The following GRIK1 variants were observed in gnomAD, a reference collection of about 807,000 sequenced individuals.
The protein encoded by GRIK1 is glutamate ionotropic receptor kainate type subunit 1.
GRIK1 carries 69 observed loss-of-function variants against 105.7 expected under a neutral mutation model. The observed-to-expected ratio is 0.65, with a 90% CI of 0.54 to 0.80. GRIK1 has a LOEUF of 0.80. Ranked by LOEUF, GRIK1 falls within the 30% of genes least tolerant of loss-of-function variation. GRIK1 has a pLI of 0.00. For synonymous variants in GRIK1, 438 were observed against 431.3 expected (o/e 1.02, Z -0.19); for missense variants, 1,109 against 1,167.3 (o/e 0.95, Z 0.73).
At position 29,651,304 on chromosome 21, in the gene GRIK1, A is replaced by C; in HGVS notation, c.781-13T>G. ...AAGCAAATAAGTCCTGCATAGTATC[A>C]AAAAGGATAACAGTGGAAAATAATT... is the stretch of plus-strand genomic sequence containing the variant. On this transcript the variant is annotated splice_polypyrimidine_tract_variant and intron_variant, in intron 5 of 17. Coordinates refer to ENST00000327783, the MANE Select transcript of GRIK1 (RefSeq NM_001330994.2). 1 of 1,565,266 alleles carries C rather than the reference A, an allele frequency of 6.4e-7. No individual in the cohort carries two copies. Among genetic ancestry groups the C allele is most frequent in the Non-Finnish European group, 8.7e-7 (1 of 1,145,614 alleles).
chr21:29,544,217 G>A (rs1601070987), intron 16 of GRIK1, among the ~76,000 whole-genome samples: 2 of 152,144 alleles, frequency 1.3e-5, no homozygotes, highest in African/African-American at 4.8e-5. Context: ...TTTATTTAAA[G>A]ATTTCATTTA....
At chr21:29,567,707 G>A (rs1398417788) in intron 14 of GRIK1, among the ~76,000 whole-genome samples, 1 of 152,100 alleles carries the variant, frequency 6.6e-6, no homozygotes, top group Non-Finnish European at 1.5e-5. Context: ...ATAGACATTG[G>A]CTATGTAGAA....
intron 1 of GRIK1, among the ~76,000 whole-genome samples, chr21:29,756,435 G>C (rs1045253308): frequency 3.4e-4 from 52 of 152,150 alleles, no homozygotes; most frequent in African/African-American, 8.9e-4. Flanking sequence ...GTCAGCTAAT[G>C]CCACATGGTA....
intron 3 of GRIK1, among the ~76,000 whole-genome samples, chr21:29,674,321 T>C (rs2063224231): frequency 6.6e-6 from 1 of 151,028 alleles, no homozygotes; most frequent in African/African-American, 2.4e-5. Context: ...GTGGCTCAGA[T>C]GAGGAAAGGT....
At chr21:29,877,158 T>C (rs1040250774) in intron 1 of GRIK1, among the ~76,000 whole-genome samples, 7 of 152,180 alleles carry the variant, frequency 4.6e-5, no homozygotes, top group East Asian at 3.8e-4. Flanking sequence ...AAAGCAGTAT[T>C]GTCTTTCTCC....
intron 1 of GRIK1, among the ~76,000 whole-genome samples, chr21:29,894,103 A>G (rs1028968221): frequency 6.6e-6 from 1 of 152,164 alleles, no homozygotes; most frequent in African/African-American, 2.4e-5. Flanking sequence ...AAGTGGATTG[A>G]TGAAGAAGGG....
intron 1 of GRIK1, among the ~76,000 whole-genome samples, chr21:29,866,224 T>C (rs937913699): frequency 2.6e-5 from 4 of 152,030 alleles, no homozygotes; most frequent in African/African-American, 9.7e-5. Flanking sequence ...CAGTAGGTGG[T>C]ATAGGTACAC....
chr21:29,877,006 C>T (rs1262799399), intron 1 of GRIK1, among the ~76,000 whole-genome samples: 1 of 152,032 alleles, frequency 6.6e-6, no homozygotes, highest in Non-Finnish European at 1.5e-5. Context: ...AATGACAGCT[C>T]AAAAGATGTA....
chr21:29,575,992 TG>T (rs1457535288), intron 14 of GRIK1, among the ~76,000 whole-genome samples: 1 of 152,150 alleles, frequency 6.6e-6, no homozygotes, highest in Non-Finnish European at 1.5e-5. Flanking sequence ...TGTTTACAAC[TG>T]TTGTTTTCCT....
intron 1 of GRIK1, among the ~76,000 whole-genome samples, chr21:29,894,765 A>G (rs1340223339): frequency 6.6e-6 from 1 of 152,150 alleles, no homozygotes; most frequent in Non-Finnish European, 1.5e-5. Context: ...GGATGGCCTG[A>G]TTAGGTTCTC....
chr21:29,869,196 A>G (rs889290048), intron 1 of GRIK1, among the ~76,000 whole-genome samples: 1 of 152,118 alleles, frequency 6.6e-6, no homozygotes, highest in Non-Finnish European at 1.5e-5. Context: ...TTTCTCTACA[A>G]ATAAATATTT....
intron 6 of GRIK1, among the ~76,000 whole-genome samples, chr21:29,646,130 GATGA>G (rs1244079416): frequency 1.3e-5 from 2 of 152,130 alleles, no homozygotes; most frequent in Admixed American, 6.5e-5. Flanking sequence ...CATGATTTAT[GATGA>G]ATGCCTATTT....
chr21:29,870,759 T>C (rs2068978709), intron 1 of GRIK1, among the ~76,000 whole-genome samples: 1 of 152,144 alleles, frequency 6.6e-6, no homozygotes, highest in Non-Finnish European at 1.5e-5. Context: ...ACCTCCACAG[T>C]AGAACCAGAA....
chr21:29,736,974 C>G (rs2064807589), intron 1 of GRIK1, among the ~76,000 whole-genome samples: 1 of 152,172 alleles, frequency 6.6e-6, no homozygotes, highest in African/African-American at 2.4e-5. Flanking sequence ...CAACCATGCT[C>G]AACCCGACAT....
At chr21:29,921,109 T>C (rs1217557091) in intron 1 of GRIK1, among the ~76,000 whole-genome samples, 1 of 152,122 alleles carries the variant, frequency 6.6e-6, no homozygotes, top group African/African-American at 2.4e-5. Context: ...CTAGTAGCAC[T>C]CCTGACCTCT....
chr21:29,643,117 T>C lies in GRIK1; in HGVS notation c.955-148A>G. 4 of 670,462 alleles carry C rather than the reference T, an allele frequency of 6.0e-6. No individual in the cohort carries two copies. In the South Asian group the frequency reaches 8.0e-5, roughly 13 times the overall value. 41.5% of individuals were successfully genotyped at this position (670,462 alleles called of 1,614,324 possible). A position where few individuals can be genotyped will look rare whatever the true frequency, so the allele number is the denominator to read the frequency against. ...CAGCTAGGTAGTTTTCACTCTCCAA[T>C]AGCTATTTTTCTCCAAAATAATACC... On this transcript the variant is annotated intron_variant, in intron 6 of 17. Transcript: ENST00000327783.
intron 1 of GRIK1, among the ~76,000 whole-genome samples, chr21:29,790,253 TG>T (rs2066376239): frequency 6.6e-6 from 1 of 152,138 alleles, no homozygotes; most frequent in South Asian, 2.1e-4. Context: ...TTCACCATGT[TG>T]GCCAGGATGG....
At chr21:29,898,972 C>CA (rs35671611) in intron 1 of GRIK1, among the ~76,000 whole-genome samples, 1,825 of 145,204 alleles carry the variant, frequency 0.013, 37 homozygotes, top group African/African-American at 0.041. Context: ...AACTCCGTCT[C>CA]AAAAAAAAAA....
Position 29,778,784 on chromosome 21 carries a change from T to C in GRIK1, c.119-84721A>G, listed in dbSNP as rs73897819. On this transcript the variant is annotated intron_variant, in intron 1 of 17. Coordinates refer to ENST00000327783, the MANE Select transcript of GRIK1 (RefSeq NM_001330994.2). ...TCTGAAACAGATATGACCTCACAGA[T>C]GGAAATCCTTGACCCAGAGTCCCAA... Among the ~76,000 whole-genome samples the C allele has an allele frequency of 4.7e-3, 713 of 152,298 alleles. 8 individuals carry two copies. Among genetic ancestry groups the C allele is most frequent in the African/African-American group, 0.016 (668 of 41,562 alleles).
Sources: allele counts gnomAD v4.1 joint callset (sites outside exome capture counted in the v4.1 genomes callset), GRCh38; gene constraint gnomAD v4.1.1; transcripts MANE v1.5; gene names NCBI Gene and HGNC (gene_info 2026-07-23, HGNC 2026-07-21).